NFIB: variants seen among roughly 807,000 people sequenced by gnomAD.
NFIB encodes the protein nuclear factor I B, also known as nuclear factor 1 B-type.
Under a neutral mutation model 61.5 loss-of-function variants are expected in NFIB, and 11 were observed. That is an observed-to-expected ratio of 0.18 (90% CI 0.11 to 0.30). NFIB has a LOEUF of 0.30. NFIB is among the 10% of genes least tolerant of loss of function. The pLI is 1.00. For synonymous variants in NFIB, 260 were observed against 216.5 expected, an observed-to-expected ratio of 1.20 and a Z score of -1.76; for missense variants, 471 against 608.9, an observed-to-expected ratio of 0.77 and a Z score of 2.38.
intron 2 of NFIB, among the ~76,000 whole-genome samples, chr9:14,257,853 G>T (rs1189421228): frequency 6.6e-6 from 1 of 152,132 alleles, no homozygotes. Context: ...ATTAATATAA[G>T]TAGGCAGAAT....
intron 1 of NFIB, among the ~76,000 whole-genome samples, chr9:14,352,979 T>C (rs2061131949): frequency 6.6e-6 from 1 of 152,190 alleles, no homozygotes. Flanking sequence ...ACTGAATCTT[T>C]GGAATCAGGA....
chr9:14,176,580 A>G (rs1432912253), intron 3 of NFIB, among the ~76,000 whole-genome samples: 1 of 152,200 alleles, frequency 6.6e-6, no homozygotes, highest in Non-Finnish European at 1.5e-5. Context: ...TATTTTATAA[A>G]ATAATATCAA....
intron 1 of NFIB, among the ~76,000 whole-genome samples, chr9:14,344,906 T>C (rs892547785): frequency 1.3e-5 from 2 of 152,128 alleles, no homozygotes; most frequent in African/African-American, 4.8e-5. Context: ...AGGGTTTAAA[T>C]AACCAGCAGA....
the NFIB span, among the ~76,000 whole-genome samples, chr9:14,421,750 C>T: frequency 2.0e-5 from 3 of 152,152 alleles, no homozygotes; most frequent in Non-Finnish European, 4.4e-5. Context: ...TTTTGATACA[C>T]CTTTATAGAG....
chr9:14,263,575 T>A (rs1009235440), intron 2 of NFIB, among the ~76,000 whole-genome samples: 15 of 152,186 alleles, frequency 9.9e-5, no homozygotes, highest in African/African-American at 3.1e-4. Flanking sequence ...TGTATACATA[T>A]GGAATTCTGC....
At chr9:14,333,868 C>T (rs189460836) in intron 1 of NFIB, among the ~76,000 whole-genome samples, 58 of 152,320 alleles carry the variant, frequency 3.8e-4, no homozygotes, top group Non-Finnish European at 7.8e-4. Context: ...CAGCAAATTA[C>T]TAGCCCTAAT....
chr9:14,135,598 C>T (rs1396699244), intron 6 of NFIB, among the ~76,000 whole-genome samples: 1 of 152,096 alleles, frequency 6.6e-6, no homozygotes, highest in African/African-American at 2.4e-5. Flanking sequence ...TGGATGTAAT[C>T]CCACTACAGT....
chr9:14,431,452 G>T, the NFIB span, among the ~76,000 whole-genome samples: 1 of 152,176 alleles, frequency 6.6e-6, no homozygotes, highest in Non-Finnish European at 1.5e-5. Flanking sequence ...TGGATGGTGG[G>T]TGAGTGCACA....
At chr9:14,447,791 A>G in the NFIB span, among the ~76,000 whole-genome samples, 1 of 152,158 alleles carries the variant, frequency 6.6e-6, no homozygotes, top group Admixed American at 6.5e-5. Context: ...TAGAAGTCAT[A>G]AAAACAAGAG....
At chr9:14,449,097 T>G in the NFIB span, among the ~76,000 whole-genome samples, 1 of 152,236 alleles carries the variant, frequency 6.6e-6, no homozygotes, top group African/African-American at 2.4e-5. Context: ...TGCAATTTAA[T>G]TCCCAGACCT....
chr9:14,118,466 A>T, intron 8 of NFIB, among the ~76,000 whole-genome samples: 1 of 152,146 alleles, frequency 6.6e-6, no homozygotes, highest in East Asian at 1.9e-4. Flanking sequence ...TCATTTGAAA[A>T]GAATAAAGGT....
chr9:14,423,640 C>T, the NFIB span, among the ~76,000 whole-genome samples: 1 of 152,114 alleles, frequency 6.6e-6, no homozygotes, highest in Non-Finnish European at 1.5e-5. Flanking sequence ...CATCTATGTC[C>T]CTTGAGTTTT....
At chr9:14,513,392 G>A in the NFIB span, among the ~76,000 whole-genome samples, 2 of 152,126 alleles carry the variant, frequency 1.3e-5, no homozygotes, top group Admixed American at 6.6e-5. Context: ...CACTTTGGGA[G>A]GCTGAGGCGG....
chr9:14,209,546 AAAG>A (rs2050094030), intron 2 of NFIB, among the ~76,000 whole-genome samples: 1 of 152,232 alleles, frequency 6.6e-6, no homozygotes, highest in Non-Finnish European at 1.5e-5. Context: ...CAAGTTGTAA[AAAG>A]AAGTAAAGTC....
intron 6 of NFIB, among the ~76,000 whole-genome samples, chr9:14,140,888 T>A (rs973982051): frequency 1.3e-5 from 2 of 152,178 alleles, no homozygotes; most frequent in Non-Finnish European, 2.9e-5. Flanking sequence ...TGAGCCATGA[T>A]CGTGCCGCTG....
intron 9 of NFIB, among the ~76,000 whole-genome samples, chr9:14,113,630 T>C (rs1420985633): frequency 2.0e-5 from 3 of 152,174 alleles, no homozygotes; most frequent in Non-Finnish European, 2.9e-5. Flanking sequence ...GCCTGTATCA[T>C]GTAGAATGAA....
rs138503661 is a variant in NFIB at position 14,395,419 on chromosome 9, A to C, written c.108+3105T>G. On this transcript the variant is annotated intron_variant, in intron 1 of 8. Transcript: ENST00000380934. The stretch of plus-strand genomic sequence containing the variant: ...GTGATTGGGGGTTGGGGAGAAGGGC[A>C]GTAGTGTCCCAATACCAGCTCTGAG... 1.4e-4 allele frequency among the ~76,000 whole-genome samples: 21 copies of C among 151,982 alleles called. No individual in the cohort carries two copies. The East Asian group carries it at 3.3e-3, about 24-fold the overall frequency.
the NFIB span, among the ~76,000 whole-genome samples, chr9:14,447,011 C>G: frequency 6.6e-6 from 1 of 152,076 alleles, no homozygotes; most frequent in Non-Finnish European, 1.5e-5. Flanking sequence ...TATGCAGAAC[C>G]AACATGCTTT....
intron 1 of NFIB, among the ~76,000 whole-genome samples, chr9:14,327,641 G>A (rs907607297): frequency 6.6e-6 from 1 of 152,166 alleles, no homozygotes; most frequent in Non-Finnish European, 1.5e-5. Flanking sequence ...TTCCCATGGG[G>A]TGTTTTGAAA....
Sources: allele counts gnomAD v4.1 joint callset (sites outside exome capture counted in the v4.1 genomes callset), GRCh38; gene constraint gnomAD v4.1.1; transcripts MANE v1.5; gene names NCBI Gene and HGNC (gene_info 2026-07-23, HGNC 2026-07-21).